Variants in TSHZ2 observed in about 807,000 individuals in gnomAD.
The protein encoded by TSHZ2 is teashirt zinc finger homeobox 2, also known as teashirt homolog 2.
In TSHZ2, 21 loss-of-function variants were observed where a neutral mutation model predicts 74.4. The observed-to-expected ratio is 0.28, with a 90% confidence interval of 0.20 to 0.41. TSHZ2 has a LOEUF of 0.41. Among genes scored for constraint, TSHZ2 ranks in the 10% least tolerant of loss-of-function variants. The pLI is 1.00. For missense variants in TSHZ2, 1,244 were observed against 1,293.5 expected (o/e 0.96, Z 0.59); for synonymous variants, 540 against 515.3 (o/e 1.05, Z -0.65).
intron 1 of TSHZ2, among the ~76,000 whole-genome samples, chr20:53,122,945 T>C (rs1356540097): frequency 6.6e-6 from 1 of 152,236 alleles, no homozygotes; most frequent in Admixed American, 6.5e-5. Context: ...ATTTAAACTT[T>C]TGGAAATAAA....
intron 2 of TSHZ2, among the ~76,000 whole-genome samples, chr20:53,372,690 A>G (rs1168900495): frequency 6.6e-6 from 1 of 152,156 alleles, no homozygotes; most frequent in African/African-American, 2.4e-5. Flanking sequence ...ACTTTCATCA[A>G]CTTCCAAACG....
intron 2 of TSHZ2, among the ~76,000 whole-genome samples, chr20:53,347,912 T>C (rs1405865437): frequency 6.6e-6 from 1 of 152,188 alleles, no homozygotes; most frequent in Non-Finnish European, 1.5e-5. Context: ...TATGCCACTA[T>C]CGAGTTTCAG....
chr20:53,201,768 A>G (rs1445601053), intron 1 of TSHZ2, among the ~76,000 whole-genome samples: 1 of 152,050 alleles, frequency 6.6e-6, no homozygotes, highest in Non-Finnish European at 1.5e-5. Flanking sequence ...TGGGATGGGG[A>G]GCTGCTCTAT....
chr20:53,027,181 G>T (rs1256907182), intron 1 of TSHZ2, among the ~76,000 whole-genome samples: 1 of 152,098 alleles, frequency 6.6e-6, no homozygotes, highest in African/African-American at 2.4e-5. Flanking sequence ...CTTCCAAAAA[G>T]TGGAATTACT....
chr20:52,984,927 A>G (rs1410441233), intron 1 of TSHZ2, among the ~76,000 whole-genome samples: 2 of 152,132 alleles, frequency 1.3e-5, no homozygotes, highest in East Asian at 3.9e-4. Flanking sequence ...TATTTTCTCT[A>G]ATTCTGTCTT....
At chr20:53,149,288 T>C (rs1419604657) in intron 1 of TSHZ2, among the ~76,000 whole-genome samples, 1 of 151,998 alleles carries the variant, frequency 6.6e-6, no homozygotes, top group Non-Finnish European at 1.5e-5. Context: ...CATTTGTCAC[T>C]GGGGCTTGCG....
At chr20:52,988,881 T>C (rs1202007440) in intron 1 of TSHZ2, among the ~76,000 whole-genome samples, 2 of 152,146 alleles carry the variant, frequency 1.3e-5, no homozygotes, top group Non-Finnish European at 2.9e-5. Flanking sequence ...GATAAATCTC[T>C]TGTAGGCTCC....
At chr20:52,981,047 T>C (rs1385101182) in intron 1 of TSHZ2, among the ~76,000 whole-genome samples, 1 of 152,216 alleles carries the variant, frequency 6.6e-6, no homozygotes, top group Non-Finnish European at 1.5e-5. Flanking sequence ...AATGCCAAAA[T>C]GAAAAGCCAT....
intron 2 of TSHZ2, among the ~76,000 whole-genome samples, chr20:53,391,817 C>T (rs929110288): frequency 6.6e-6 from 1 of 152,074 alleles, no homozygotes; most frequent in Admixed American, 6.6e-5. Context: ...GTGGTGTGCA[C>T]CTGTGATCCC....
At chr20:53,007,262 G>A (rs1982676198) in intron 1 of TSHZ2, among the ~76,000 whole-genome samples, 1 of 152,210 alleles carries the variant, frequency 6.6e-6, no homozygotes, top group African/African-American at 2.4e-5. Context: ...TGAGGTTGGA[G>A]ACAGCAGGTG....
rs559078353 is a variant in TSHZ2 at position 53,115,053 on chromosome 20, TG to T, written c.41-138443del. On this transcript the variant is annotated intron_variant, in intron 1 of 2. Transcript: ENST00000371497. Reference sequence around the variant, plus strand: ...TTGCAGGGGCCAAGTCTTACGCATTTGGGTGGCCCCCTTACCTTGTCAGGCT... The same window carrying T: ...TTGCAGGGGCCAAGTCTTACGCATTTGGTGGCCCCCTTACCTTGTCAGGCT... Among the ~76,000 whole-genome samples the T allele has an allele frequency of 3.9e-4, 59 of 152,298 alleles. No individual in the cohort carries two copies. In the East Asian group the frequency reaches 9.6e-3, roughly 25 times the overall value.
At chr20:53,123,382 C>T (rs1986865194) in intron 1 of TSHZ2, among the ~76,000 whole-genome samples, 1 of 152,140 alleles carries the variant, frequency 6.6e-6, no homozygotes. Flanking sequence ...TGAGGGATTA[C>T]AGCCTCTGCT....
Position 53,253,525 on chromosome 20 carries a change from G to A in TSHZ2, c.67G>A (p.Glu23Lys), listed in dbSNP as rs1241928399. Reference protein sequence around the residue: ...AGYAQEEQLKEEEEIKEEEEE... With the variant: ...AGYAQEEQLKKEEEIKEEEEE... ...CTACGCCCAGGAGGAACAGCTGAAA[G>A]AAGAGGAGGAAATAAAAGAAGAGGA... Residue 23 changes from glutamate (E) to lysine (K), a missense_variant, in exon 2 of 3, where the codon GAA becomes AAA. Physicochemically the swap from Glu to Lys is moderately conservative, Grantham distance 56. Transcript: ENST00000371497. The A allele has an allele frequency of 1.9e-6, 3 of 1,612,132 alleles. No individual in the cohort carries two copies. Among genetic ancestry groups the A allele is most frequent in the Admixed American group, 1.7e-5 (1 of 59,898 alleles).
Position 52,999,667 on chromosome 20 carries a change from G to T in TSHZ2, c.40+26334G>T, listed in dbSNP as rs530154469. ...GATTTTCCTCCCTCTATCAGCCACT[G>T]GTTTGTGACTGGAATCATCAGAATC... On this transcript the variant is annotated intron_variant, in intron 1 of 2. Coordinates refer to ENST00000371497, the MANE Select transcript of TSHZ2 (RefSeq NM_173485.6). Among the ~76,000 whole-genome samples, 9 of 152,264 alleles carry T rather than the reference G, an allele frequency of 5.9e-5. No homozygotes were observed. The South Asian group carries it at 1.9e-3, about 32-fold the overall frequency.
chr20:52,974,091 G>C (rs1336512066), intron 1 of TSHZ2, among the ~76,000 whole-genome samples: 1 of 152,124 alleles, frequency 6.6e-6, no homozygotes, highest in Non-Finnish European at 1.5e-5. Flanking sequence ...AAAAAGATAA[G>C]AACAGGTTAA....
intron 1 of TSHZ2, among the ~76,000 whole-genome samples, chr20:53,164,773 T>C (rs2123471850): frequency 6.6e-6 from 1 of 152,328 alleles, no homozygotes; most frequent in South Asian, 2.1e-4. Context: ...TTCCTAACAA[T>C]ATCCCCTTTT....
chr20:53,462,567 G>A (rs559546411), intron 2 of TSHZ2, among the ~76,000 whole-genome samples: 93 of 152,312 alleles, frequency 6.1e-4, no homozygotes, highest in South Asian at 2.1e-3. Context: ...AACCTTCTAC[G>A]CAAGCTTCCC....
intron 1 of TSHZ2, among the ~76,000 whole-genome samples, chr20:53,246,426 A>G (rs959486671): frequency 3.3e-5 from 5 of 152,214 alleles, no homozygotes; most frequent in African/African-American, 9.6e-5. Flanking sequence ...CTAGCTGAGT[A>G]TACATGATTA....
rs183347395 is a variant in TSHZ2, at chr20:53,407,931, C to A, written c.*9-79213C>A. Among the ~76,000 whole-genome samples, 8 of 152,250 alleles carry A rather than the reference C, an allele frequency of 5.3e-5. No individual in the cohort carries two copies. The East Asian group carries it at 1.2e-3, about 22-fold the overall frequency. ...AATACTATTCTTTAATTTTTTCCAA[C>A]CATTTAAAAATGTAAAAACAATTCT... On this transcript the variant is annotated intron_variant, in intron 2 of 2. Coordinates refer to ENST00000371497, the MANE Select transcript of TSHZ2 (RefSeq NM_173485.6).
Sources: allele counts gnomAD v4.1 joint callset (sites outside exome capture counted in the v4.1 genomes callset), GRCh38; gene constraint gnomAD v4.1.1; transcripts MANE v1.5; gene names NCBI Gene and HGNC (gene_info 2026-07-23, HGNC 2026-07-21).